Variants in GALNT7 observed in about 807,000 individuals in gnomAD.
GALNT7 encodes the protein polypeptide N-acetylgalactosaminyltransferase 7.
GALNT7 carries 60 observed loss-of-function variants against 82.1 expected under a neutral mutation model. The observed-to-expected ratio is 0.73, with a 90% CI of 0.59 to 0.91. The LOEUF (loss-of-function observed/expected upper bound fraction) is 0.91. Among genes scored for constraint, GALNT7 ranks in the 40% least tolerant of loss-of-function variants. The pLI is 0.00. For synonymous variants in GALNT7, 243 were observed against 275.1 expected (o/e 0.88, Z 1.15); for missense variants, 660 against 804.2 (o/e 0.82, Z 2.17).
intron 1 of GALNT7, among the ~76,000 whole-genome samples, chr4:173,242,175 G>C (rs1020441390): frequency 1.6e-4 from 24 of 151,942 alleles, no homozygotes; most frequent in African/African-American, 3.9e-4. Flanking sequence ...GTTACCCTTT[G>C]GTTTATATCT....
At chr4:173,212,131 A>G (rs567468913) in intron 1 of GALNT7, among the ~76,000 whole-genome samples, 61 of 152,348 alleles carry the variant, frequency 4.0e-4, no homozygotes, top group Non-Finnish European at 6.5e-4. Context: ...GGTCATCCAA[A>G]GGTAATTTGT....
intron 1 of GALNT7, among the ~76,000 whole-genome samples, chr4:173,241,700 G>T (rs1428742041): frequency 6.6e-6 from 1 of 152,118 alleles, no homozygotes; most frequent in African/African-American, 2.4e-5. Flanking sequence ...GCACAATCAT[G>T]GATCCCTGCA....
At position 173,249,889 on chromosome 4, in the gene GALNT7, G is replaced by A. The variant is rs572364478; in HGVS notation, c.587+1449G>A. The stretch of plus-strand genomic sequence containing the variant: ...ATCTCGAGTCCCTCGTCTAGAACGT[G>A]TCTCAGTTATCCTCAGTGCAGCACT... On this transcript the variant is annotated intron_variant, in intron 2 of 11. Transcript: ENST00000265000. 2.2e-4 allele frequency among the ~76,000 whole-genome samples: 33 copies of A among 152,278 alleles called. No individual in the cohort carries two copies. In the South Asian group the frequency reaches 6.6e-3, roughly 31 times the overall value.
At chr4:173,225,688 A>G (rs1733803644) in intron 1 of GALNT7, among the ~76,000 whole-genome samples, 1 of 152,194 alleles carries the variant, frequency 6.6e-6, no homozygotes, top group South Asian at 2.1e-4. Context: ...TTAATGAGCT[A>G]CTTTCTAAGG....
chr4:173,206,780 G>T (rs1733113450), intron 1 of GALNT7, among the ~76,000 whole-genome samples: 1 of 152,202 alleles, frequency 6.6e-6, no homozygotes, highest in South Asian at 2.1e-4. Flanking sequence ...GAGGGGCTGT[G>T]GAGAGAGGGT....
At chr4:173,283,236 G>A (rs1736180856) in intron 2 of GALNT7, among the ~76,000 whole-genome samples, 1 of 152,132 alleles carries the variant, frequency 6.6e-6, no homozygotes, top group Non-Finnish European at 1.5e-5. Context: ...ATAGACTTTA[G>A]TTTTAAACTT....
In GALNT7 at chr4:173,249,822, G is replaced by C. The variant is rs1276454230; in HGVS notation, c.587+1382G>C. 2.0e-5 allele frequency among the ~76,000 whole-genome samples: 3 copies of C among 152,258 alleles called. No individual in the cohort carries two copies. The East Asian group carries it at 5.8e-4, about 29-fold the overall frequency. ...AGGAGATAAAGATGGTTGTTAAAGA[G>C]TTACAGCTGCCATGTGAGGACCCTT... On this transcript the variant is annotated intron_variant, in intron 2 of 11. Coordinates refer to ENST00000265000, the MANE Select transcript of GALNT7 (RefSeq NM_017423.3).
chr4:173,317,439 C>G, intron 9 of GALNT7, 195 bp from the exon 10 acceptor site: 1 of 498,990 alleles, frequency 2.0e-6, no homozygotes, highest in Non-Finnish European at 3.6e-6. Flanking sequence ...AGAACCCATT[C>G]CAGTGTTGAC....
At chr4:173,291,073 T>G (rs1363216173) in intron 2 of GALNT7, among the ~76,000 whole-genome samples, 1 of 152,236 alleles carries the variant, frequency 6.6e-6, no homozygotes, top group Non-Finnish European at 1.5e-5. Flanking sequence ...ATCTTCTGCC[T>G]TAGAAGCAAG....
intron 1 of GALNT7, among the ~76,000 whole-genome samples, chr4:173,197,789 A>T (rs1231796081): frequency 6.7e-6 from 1 of 148,916 alleles, no homozygotes; most frequent in Non-Finnish European, 1.5e-5. Flanking sequence ...TAATGGGAGG[A>T]GGATGGGCTT....
intron 1 of GALNT7, among the ~76,000 whole-genome samples, chr4:173,231,372 G>A (rs184013251): frequency 2.0e-5 from 3 of 152,256 alleles, no homozygotes; most frequent in African/African-American, 7.2e-5. Flanking sequence ...CGAGTTAATT[G>A]TTTTTGTAAA....
At chr4:173,276,334 A>T (rs1735911283) in intron 2 of GALNT7, among the ~76,000 whole-genome samples, 1 of 152,208 alleles carries the variant, frequency 6.6e-6, no homozygotes. Context: ...ATGATAAGGT[A>T]GAATTATAGG....
intron 1 of GALNT7, among the ~76,000 whole-genome samples, chr4:173,204,329 T>C (rs1733026841): frequency 6.6e-6 from 1 of 152,228 alleles, no homozygotes; most frequent in Admixed American, 6.5e-5. Context: ...GGATTGAATC[T>C]GAGTGTAGAT....
chr4:173,283,590 T>G (rs1353264406), intron 2 of GALNT7, among the ~76,000 whole-genome samples: 1 of 146,478 alleles, frequency 6.8e-6, no homozygotes, highest in Non-Finnish European at 1.5e-5. Flanking sequence ...TGAGCCAAGA[T>G]CATGCCACTG....
chr4:173,187,791 G>A (rs1732504135), intron 1 of GALNT7, among the ~76,000 whole-genome samples: 1 of 152,060 alleles, frequency 6.6e-6, no homozygotes, highest in South Asian at 2.1e-4. Flanking sequence ...TCTTAATTTT[G>A]TTTATTAGTC....
intron 1 of GALNT7, among the ~76,000 whole-genome samples, chr4:173,213,545 A>T (rs546239334): frequency 4.6e-5 from 7 of 152,280 alleles, no homozygotes; most frequent in African/African-American, 7.2e-5. Flanking sequence ...GTATAATATG[A>T]GTAGTCATAC....
At position 173,298,182 on chromosome 4, in the gene GALNT7, G is replaced by C. The variant is rs940013670; in HGVS notation, c.1033G>C (p.Gly345Arg). Residue 345 changes from glycine to arginine, a missense_variant, in exon 6 of 12, where the codon GGT (glycine) becomes CGT (arginine). By Grantham distance (125) the Gly-to-Arg change is moderately radical. Coordinates refer to ENST00000265000, the MANE Select transcript of GALNT7 (RefSeq NM_017423.3). ...GNTYEIIPQG[G>R]GDEDGYARGA... ...CACATATGAAATTATACCCCAAGGGGGTGGTGATGAAGATGGGTATGCCCG... is the reference window on the plus strand; with the variant it reads ...CACATATGAAATTATACCCCAAGGGCGTGGTGATGAAGATGGGTATGCCCG... 15 of 1,613,846 alleles carry C rather than the reference G, an allele frequency of 9.3e-6. No individual in the cohort carries two copies. Among genetic ancestry groups the C allele is most frequent in the Non-Finnish European group, 1.2e-5 (14 of 1,179,866 alleles).
intron 5 of GALNT7, among the ~76,000 whole-genome samples, chr4:173,297,172 A>C (rs145502810): frequency 6.6e-6 from 1 of 150,462 alleles, no homozygotes; most frequent in Non-Finnish European, 1.5e-5. Context: ...TTCTCAGACC[A>C]CTTCTGAAGT....
intron 8 of GALNT7, among the ~76,000 whole-genome samples, chr4:173,312,374 T>C (rs1161729831): frequency 1.3e-5 from 2 of 152,294 alleles, no homozygotes; most frequent in East Asian, 1.9e-4. Flanking sequence ...GGAATGCACA[T>C]GTGCAAAGAG....
Sources: gnomAD v4.1 joint callset for allele counts (sites outside exome capture counted in the v4.1 genomes callset) on GRCh38, gnomAD v4.1.1 for gene constraint, MANE v1.5 for transcripts, NCBI Gene and HGNC (gene_info 2026-07-23, HGNC 2026-07-21) for gene names.